Variants in ZNF479 observed in about 807,000 individuals in gnomAD.
ZNF479 encodes the protein zinc finger protein 479.
In ZNF479, 15 loss-of-function variants were observed where a neutral mutation model predicts 14.7. The observed-to-expected ratio is 1.02, with a 90% CI of 0.68 to 1.57. ZNF479 has a LOEUF of 1.57. Among genes scored for constraint, ZNF479 ranks in the 40% most tolerant of loss-of-function variants. ZNF479 has a pLI of 0.00. For synonymous variants in ZNF479, 145 were observed against 211.5 expected (o/e 0.69, Z 2.73); for missense variants, 506 against 615.1 (o/e 0.82, Z 1.88).
chr7:57,122,209 A>G (rs1583932228), intron 3 of ZNF479, among the ~76,000 whole-genome samples: 3 of 152,232 alleles, frequency 2.0e-5, no homozygotes, highest in Admixed American at 1.3e-4. Context: ...GAATTTGTAA[A>G]CAGAAACCTT....
At position 57,117,898 on chromosome 7, in the gene ZNF479, G is replaced by A. The variant is rs56969559; in HGVS notation, c.*1942C>T. Among the ~76,000 whole-genome samples the A allele has an allele frequency of 4.6e-5, 7 of 150,782 alleles. No homozygotes were observed. The highest frequency in any genetic ancestry group is 8.9e-5 in the Non-Finnish European group (6 of 67,536). Reference sequence around the variant, plus strand: ...TACCTCGAAGGTAATTATGAATCTCGAAAAAAACTACTTCTTTAACATGTA... The same window carrying A: ...TACCTCGAAGGTAATTATGAATCTCAAAAAAAACTACTTCTTTAACATGTA... On this transcript the variant is annotated 3_prime_UTR_variant, in exon 4 of 4. Coordinates refer to ENST00000319636, the MANE Select transcript of ZNF479 (RefSeq NM_001370129.2).
In ZNF479 at chr7:57,123,267, A is replaced by G. The variant is rs569800003; in HGVS notation, c.263-2115T>C. Among the ~76,000 whole-genome samples, 44 of 152,342 alleles carry G rather than the reference A, an allele frequency of 2.9e-4. No individual in the cohort carries two copies. In the South Asian group the frequency reaches 6.0e-3, roughly 21 times the overall value. The stretch of plus-strand genomic sequence containing the variant: ...AGGAGCCAGGTTCCTTTAAGCAACC[A>G]GCTCTCATGTGAATTAGTAGAGTGA... On this transcript the variant is annotated intron_variant, in intron 3 of 3. Transcript: ENST00000319636.
chr7:57,130,071 A>C (rs981848059), intron 1 of ZNF479, among the ~76,000 whole-genome samples: 1 of 152,268 alleles, frequency 6.6e-6, no homozygotes, highest in Non-Finnish European at 1.5e-5. Context: ...TGTTACAATT[A>C]AAAGAATTTC....
Position 57,118,090 on chromosome 7 carries a change from G to C in ZNF479, c.*1750C>G, listed in dbSNP as rs1785759188. On this transcript the variant is annotated 3_prime_UTR_variant, in exon 4 of 4. Transcript: ENST00000319636. ...TTTACTGGTTCTGCAAAAATATTTA[G>C]TACAAACTGGTGTTTTCTAAGCTGG... is the stretch of plus-strand genomic sequence containing the variant. Among the ~76,000 whole-genome samples the C allele has an allele frequency of 6.6e-6, 1 of 152,146 alleles. No individual in the cohort carries two copies. Among genetic ancestry groups the C allele is most frequent in the Non-Finnish European group, 1.5e-5 (1 of 68,026 alleles).
Position 57,122,266 on chromosome 7 carries a change from T to A in ZNF479, c.263-1114A>T, listed in dbSNP as rs184966547. On this transcript the variant is annotated intron_variant, in intron 3 of 3. Coordinates refer to ENST00000319636, the MANE Select transcript of ZNF479 (RefSeq NM_001370129.2). ...TAAAATGGTCAAAGGCTGAAAAAAA[T>A]TTTCATGGTGAGAATAATAAAACCA... is the stretch of plus-strand genomic sequence containing the variant. 3.9e-3 allele frequency among the ~76,000 whole-genome samples: 587 copies of A among 150,830 alleles called. 2 individuals are homozygous for A. Among genetic ancestry groups the A allele is most frequent in the Non-Finnish European group, 5.9e-3 (401 of 67,640 alleles).
chr7:57,124,276 A>T (rs1417781092), intron 3 of ZNF479, among the ~76,000 whole-genome samples: 2 of 152,212 alleles, frequency 1.3e-5, no homozygotes, highest in Non-Finnish European at 2.9e-5. Context: ...ACAGATAAAG[A>T]CATGATAGAA....
chr7:57,133,870 A>G (rs1786535288), upstream of ZNF479, among the ~76,000 whole-genome samples: 1 of 152,228 alleles, frequency 6.6e-6, no homozygotes, highest in South Asian at 2.1e-4. Context: ...CTCAAAATAA[A>G]AAAGAAAGAA....
At chr7:57,131,554 C>A (rs1786417477) in intron 1 of ZNF479, among the ~76,000 whole-genome samples, 1 of 139,762 alleles carries the variant, frequency 7.2e-6, no homozygotes, top group African/African-American at 2.5e-5. Context: ...CAGAGCGAGA[C>A]TCCCTCTCAA....
chr7:57,121,494 G>A (rs1554400623), intron 3 of ZNF479, among the ~76,000 whole-genome samples: 1 of 152,174 alleles, frequency 6.6e-6, no homozygotes, highest in Non-Finnish European at 1.5e-5. Context: ...AGTCTTCTGA[G>A]CTCAAAAGTG....
At position 57,119,613 on chromosome 7, in the gene ZNF479, A is replaced by T. The variant is rs1244560754; in HGVS notation, c.*227T>A. ...CACAGGGAGACTCCAACTCAAAAAA[A>T]TTTTTTTAAAATAAATTCTCTTAGG... is the stretch of plus-strand genomic sequence containing the variant. On this transcript the variant is annotated 3_prime_UTR_variant, in exon 4 of 4. Transcript: ENST00000319636. 1.4e-4 allele frequency: 69 copies of T among 507,646 alleles called. No homozygotes were observed. The highest frequency in any genetic ancestry group is 1.1e-3 in the Middle Eastern group (2 of 1,776). The allele number at this position is 507,646 out of a possible 1,614,324, so 31.4% of individuals were successfully genotyped here.
intron 3 of ZNF479, among the ~76,000 whole-genome samples, chr7:57,125,033 T>C (rs1786095863): frequency 6.6e-6 from 1 of 152,122 alleles, no homozygotes; most frequent in Non-Finnish European, 1.5e-5. Context: ...ATCGCACCAT[T>C]GCCCTTGTTG....
intron 3 of ZNF479, among the ~76,000 whole-genome samples, chr7:57,122,448 T>C (rs868925917): frequency 2.3e-4 from 35 of 151,900 alleles, no homozygotes; most frequent in Non-Finnish European, 2.5e-4. Context: ...TGAAAATACA[T>C]AACTTTCTGA....
At chr7:57,129,885 A>G (rs180875412) in intron 1 of ZNF479, among the ~76,000 whole-genome samples, 7 of 152,342 alleles carry the variant, frequency 4.6e-5, no homozygotes, top group Admixed American at 4.6e-4. Context: ...CAGCTTCCAA[A>G]TGGCTATTTT....
intron 1 of ZNF479, among the ~76,000 whole-genome samples, chr7:57,130,589 A>T (rs1265759888): frequency 6.6e-6 from 1 of 152,258 alleles, no homozygotes; most frequent in Non-Finnish European, 1.5e-5. Context: ...AATTAGAATA[A>T]AAAGTAAAAA....
intron 1 of ZNF479, among the ~76,000 whole-genome samples, chr7:57,138,591 C>A (rs967931899): frequency 2.6e-5 from 4 of 152,184 alleles, no homozygotes; most frequent in Non-Finnish European, 4.4e-5. Context: ...CCGGACCCAG[C>A]CAGTAGGAGA....
chr7:57,119,897 T>A lies in ZNF479; in HGVS notation c.1518A>T (p.Ser506=), dbSNP rs539913769. 6.2e-7 allele frequency: 1 copy of A among 1,613,608 alleles called. No homozygotes were observed. Among genetic ancestry groups the A allele is most frequent in the Admixed American group, 1.7e-5 (1 of 59,942 alleles). The change falls in exon 4 of 4, where the codon TCA becomes TCT. Residue 506 remains serine (S), a synonymous_variant. Transcript: ENST00000319636. ...GAATTATCTTATGTTTAGCAAGACT[T>A]GAATGCCACTTAAAAGCTTGCTCAC... ...EECEQAFKWH[S]SLAKHKIIHT...
chr7:57,131,599 A>T (rs1786424903), intron 1 of ZNF479, among the ~76,000 whole-genome samples: 1 of 137,286 alleles, frequency 7.3e-6, no homozygotes, highest in Non-Finnish European at 1.6e-5. Context: ...AAAAAAAAAC[A>T]TTTCTTGTAA....
intron 2 of ZNF479, 46 bp from the exon 3 acceptor site, chr7:57,126,159 T>A: frequency 6.5e-7 from 1 of 1,530,736 alleles, no homozygotes; most frequent in East Asian, 2.2e-5. Context: ...GCTGAATTCT[T>A]TAATTACCAA....
Position 57,119,993 on chromosome 7 carries a change from A to G in ZNF479, c.1422T>C (p.Phe474=), listed in dbSNP as rs782415769. 9.9e-6 allele frequency: 16 copies of G among 1,613,292 alleles called. No homozygotes were observed. Among genetic ancestry groups the G allele is most frequent in the African/African-American group, 1.3e-5 (1 of 74,884 alleles). The change falls in exon 4 of 4, where the codon TTT becomes TTC. Residue 474 remains phenylalanine, a synonymous_variant. Transcript: ENST00000319636. ...GTTGCATAAGGGTTGAGGAGCAATTAAAGGCTTTGCCACATTCTTCACATG... is the reference window on the plus strand; with the variant it reads ...GTTGCATAAGGGTTGAGGAGCAATTGAAGGCTTTGCCACATTCTTCACATG... The part of the protein sequence containing the change: ...PYTCEECGKA[F]NCSSTLMQHK...
Sources: gnomAD v4.1 joint callset for allele counts (sites outside exome capture counted in the v4.1 genomes callset) on GRCh38, gnomAD v4.1.1 for gene constraint, MANE v1.5 for transcripts, NCBI Gene and HGNC (gene_info 2026-07-23, HGNC 2026-07-21) for gene names.